Variants in HECTD4 observed in about 807,000 individuals in gnomAD.
The protein encoded by HECTD4 is probable E3 ubiquitin-protein ligase HECTD4.
A neutral mutation model predicts 471.5 loss-of-function variants in HECTD4; 114 were observed. The observed-to-expected ratio is 0.24, with a 90% CI of 0.21 to 0.28. HECTD4 has a LOEUF of 0.28. HECTD4 is among the 10% of genes least tolerant of loss of function. The pLI, the probability that HECTD4 is intolerant of heterozygous loss-of-function variation, is 1.00. For synonymous variants in HECTD4, 2,012 were observed against 2,256.0 expected (o/e 0.89, Z 3.07); for missense variants, 3,866 against 5,651.5 (o/e 0.68, Z 10.13).
At position 112,239,073 on chromosome 12, in the gene HECTD4, C is replaced by T; in HGVS notation, c.5269G>A (p.Val1757Ile). 1 of 1,613,118 alleles carries T rather than the reference C, an allele frequency of 6.2e-7. No homozygotes were observed. Among genetic ancestry groups the T allele is most frequent in the Non-Finnish European group, 8.5e-7 (1 of 1,179,482 alleles). ...AAFQVLANRCVEWEKEEGGST... is the reference protein window; with the variant it reads ...AAFQVLANRCIEWEKEEGGST... ...TCACCTTCCTCTTTTTCCCACTCAA[C>T]ACAGCGGTTGGCAAGCACCTGGAAG... Residue 1757 changes from valine (V) to isoleucine (I), a missense_variant, in exon 34 of 76, where the codon GTT (valine) becomes ATT (isoleucine). This residue lies in a region of HECTD4 where 229 missense variants were observed against 386.4 expected (regional missense o/e 0.59). Transcript: ENST00000682272. This position sits in a 1 kb window ranked among gnomAD's most constrained non-coding sequence, Gnocchi z 4.9.
chr12:112,189,587 C>T (rs76095079), intron 60 of HECTD4, among the ~76,000 whole-genome samples: 94 of 144,064 alleles, frequency 6.5e-4, no homozygotes, highest in African/African-American at 2.1e-3. Flanking sequence ...AAAGAAATTA[C>T]GGTTCTGGCA....
At position 112,270,443 on chromosome 12, in the gene HECTD4, C is replaced by A; in HGVS notation, c.1959G>T (p.Thr653=). Residue 653 remains threonine (T), a synonymous_variant, in exon 12 of 76, where the codon ACG becomes ACT. Coordinates refer to ENST00000682272, the MANE Select transcript of HECTD4 (RefSeq NM_001388303.1). The part of the protein sequence containing the change: ...ITEPKEEAIT[T]NEVINQLLHH... ...GCAATAATTGGTTTATAACCTCATT[C>A]GTGGTTATAGCCTCTTCTAGAAGAT... 2 of 1,613,360 alleles carry A rather than the reference C, an allele frequency of 1.2e-6. No individual in the cohort carries two copies. Among genetic ancestry groups the A allele is most frequent in the African/African-American group, 2.7e-5 (2 of 75,016 alleles).
At position 112,213,903 on chromosome 12, in the gene HECTD4, T is replaced by TA. The variant is rs2032838215; in HGVS notation, c.7466-1254_7466-1253insT. 2.4e-4 allele frequency among the ~76,000 whole-genome samples: 37 copies of TA among 151,448 alleles called. No homozygotes were observed. Among genetic ancestry groups the TA allele is most frequent in the Admixed American group, 2.2e-3 (33 of 15,202 alleles). On this transcript the variant is annotated intron_variant, in intron 48 of 75. Transcript: ENST00000682272. This position sits in a 1 kb window ranked among gnomAD's most constrained non-coding sequence, Gnocchi z 4.0. ...CAGGCATGGTAGTGTGTGCCTATGG[T>TA]CCCAGTTACTCAGGAGGCTGAGATG...
Position 112,319,913 on chromosome 12 carries a change from C to A in HECTD4, c.178-171G>T, listed in dbSNP as rs868262616. Among the ~76,000 whole-genome samples, 3 of 152,156 alleles carry A rather than the reference C, an allele frequency of 2.0e-5. No individual in the cohort carries two copies. Among genetic ancestry groups the A allele is most frequent in the African/African-American group, 4.8e-5 (2 of 41,430 alleles). ...CCAGCTCTTTGCTGATGGAATTGTT[C>A]CCCTTTTGGCTTTTCTGTTAATGCT... On this transcript the variant is annotated intron_variant, in intron 1 of 75. Coordinates refer to ENST00000682272, the MANE Select transcript of HECTD4 (RefSeq NM_001388303.1). This position sits in a 1 kb window ranked among gnomAD's most constrained non-coding sequence, Gnocchi z 5.3.
chr12:112,167,050 A>T (rs760509983), intron 72 of HECTD4: 35 of 366,636 alleles, frequency 9.5e-5, no homozygotes, highest in Non-Finnish European at 1.4e-4. Context: ...GCCCTTGCCC[A>T]TGGCCAGGCA....
chr12:112,194,346 G>C lies in HECTD4; in HGVS notation c.8749+539C>G, dbSNP rs2032171385. On this transcript the variant is annotated intron_variant, in intron 56 of 75. Transcript: ENST00000682272. The surrounding 1 kb of genome is among the most constrained non-coding windows in gnomAD (Gnocchi z 4.6). Reference sequence around the variant, plus strand: ...ATCTTAGTTGCTGGGAGATCGAGGCGGCAGGCTGGAGGCTGAGATGCCAGG... The same window carrying C: ...ATCTTAGTTGCTGGGAGATCGAGGCCGCAGGCTGGAGGCTGAGATGCCAGG... Among the ~76,000 whole-genome samples, 1 of 152,174 alleles carries C rather than the reference G, an allele frequency of 6.6e-6. No homozygotes were observed. Among genetic ancestry groups the C allele is most frequent in the Non-Finnish European group, 1.5e-5 (1 of 68,034 alleles).
intron 20 of HECTD4, among the ~76,000 whole-genome samples, chr12:112,258,077 T>TAC (rs1046631326): frequency 2.0e-5 from 3 of 151,954 alleles, no homozygotes; most frequent in African/African-American, 7.3e-5. Context: ...TAATCCTAGC[T>TAC]ACTCATGAGG....
chr12:112,180,185 T>C (rs1334073667), intron 62 of HECTD4, among the ~76,000 whole-genome samples: 1 of 151,746 alleles, frequency 6.6e-6, no homozygotes. Context: ...GGGCTGAGGG[T>C]GGGAGAGGCA....
intron 1 of HECTD4, among the ~76,000 whole-genome samples, chr12:112,379,716 T>TA (rs879330500): frequency 0.02 from 2,895 of 143,162 alleles, 70 homozygotes; most frequent in African/African-American, 0.057. Context: ...AAAAAGATTT[T>TA]TTATATATAT....
At chr12:112,259,069 G>T in intron 19 of HECTD4, 43 bp downstream of exon 19, 1 of 1,549,278 alleles carries the variant, frequency 6.5e-7, no homozygotes. Flanking sequence ...TGTGAAGCAG[G>T]TTGGCCAAAA....
At chr12:112,265,423 G>C in intron 15 of HECTD4, 128 bp from the exon 16 acceptor site, 1 of 605,208 alleles carries the variant, frequency 1.7e-6, no homozygotes, top group Non-Finnish European at 2.7e-6. Context: ...AATCACCTTA[G>C]TAATAATGCT....
chr12:112,198,539 G>A (rs747212406), intron 55 of HECTD4, among the ~76,000 whole-genome samples: 1 of 152,182 alleles, frequency 6.6e-6, no homozygotes, highest in African/African-American at 2.4e-5. Context: ...CTGGGCTGTC[G>A]TGGTGGAGGT....
At chr12:112,314,104 T>A (rs1182520782) in intron 3 of HECTD4, among the ~76,000 whole-genome samples, 1 of 152,182 alleles carries the variant, frequency 6.6e-6, no homozygotes, top group Admixed American at 6.5e-5. Context: ...AGTGGTGTGA[T>A]CTCGACTTAC....
chr12:112,269,694 A>C lies in HECTD4; in HGVS notation c.2321+10T>G. 6.2e-7 allele frequency: 1 copy of C among 1,613,702 alleles called. No homozygotes were observed. The highest frequency in any genetic ancestry group is 1.3e-5 in the African/African-American group (1 of 75,052). ...TGCAGAGAGCACTACAAAAATCATT[A>C]GCTGTTTACCTGATGGCAAGGCAGA... On this transcript the variant is annotated intron_variant, in intron 13 of 75. Coordinates refer to ENST00000682272, the MANE Select transcript of HECTD4 (RefSeq NM_001388303.1).
chr12:112,292,133 C>T (rs558310962), intron 7 of HECTD4, among the ~76,000 whole-genome samples: 3 of 152,232 alleles, frequency 2.0e-5, no homozygotes, highest in East Asian at 1.9e-4. Context: ...GCCCTGGCTA[C>T]GTCTCCAACT....
At chr12:112,229,317 A>T (rs943202842) in intron 41 of HECTD4, among the ~76,000 whole-genome samples, 2 of 150,604 alleles carry the variant, frequency 1.3e-5, no homozygotes, top group African/African-American at 4.9e-5. Context: ...ACAGAGCAAG[A>T]CTCTGTCTCA....
intron 67 of HECTD4, 134 bp downstream of exon 67, chr12:112,172,537 C>T: frequency 2.4e-6 from 2 of 848,572 alleles, no homozygotes; most frequent in Non-Finnish European, 1.8e-6. Flanking sequence ...TCCTTGCACA[C>T]CTGGCGCATA....
chr12:112,228,717 C>T lies in HECTD4; in HGVS notation c.6614G>A (p.Cys2205Tyr), dbSNP rs753831180. ...GTCTGACGCTTGCGAAGTCTTTCTA[C>T]AGTCTATGGGTGGGAATCTGACTGT... Reference protein sequence around the residue: ...IATVRFPPIDCRKTSQASDTL... With the variant: ...IATVRFPPIDYRKTSQASDTL... The change falls in exon 42 of 76, where the codon TGT becomes TAT. Residue 2205 changes from cysteine to tyrosine, a missense_variant. Physicochemically the swap from Cys to Tyr is radical, Grantham distance 194 (BLOSUM62 -2). This residue lies in a region of HECTD4 where 617 missense variants were observed against 915.1 expected (regional missense o/e 0.67). Coordinates refer to ENST00000682272, the MANE Select transcript of HECTD4 (RefSeq NM_001388303.1). The surrounding 1 kb of genome is among the most constrained non-coding windows in gnomAD (Gnocchi z 4.9). 1.2e-6 allele frequency: 2 copies of T among 1,613,640 alleles called. No homozygotes were observed. The highest frequency in any genetic ancestry group is 1.7e-6 in the Non-Finnish European group (2 of 1,179,780).
In HECTD4 at chr12:112,233,082, A is replaced by G. The variant is rs747345422; in HGVS notation, c.5919T>C (p.Ser1973=). Residue 1973 remains serine, a synonymous_variant, in exon 38 of 76, where the codon AGT becomes AGC. Coordinates refer to ENST00000682272, the MANE Select transcript of HECTD4 (RefSeq NM_001388303.1). The stretch of plus-strand genomic sequence containing the variant: ...CAAGTCGGAAGGGCCGTCCTTCTGA[A>G]CTACTGAAAAAAGGCAGGCAGAGAA... ...SHEVLQPLLS[S]SEGRPFRLGT... The G allele has an allele frequency of 6.2e-7, 1 of 1,606,472 alleles. No homozygotes were observed. Among genetic ancestry groups the G allele is most frequent in the Non-Finnish European group, 8.5e-7 (1 of 1,176,522 alleles).
Sources: allele counts gnomAD v4.1 joint callset (sites outside exome capture counted in the v4.1 genomes callset), GRCh38; gene constraint gnomAD v4.1.1; regional missense constraint gnomAD v4.1.1; non-coding constraint Gnocchi (gnomAD v3.1); transcripts MANE v1.5; gene names NCBI Gene and HGNC (gene_info 2026-07-23, HGNC 2026-07-21).